AMOT: variants seen among roughly 807,000 people sequenced by gnomAD.
The protein encoded by AMOT is angiomotin.
AMOT carries 11 observed loss-of-function variants against 67.0 expected under a neutral mutation model. The ratio of observed to expected loss-of-function variants is 0.16; its 90% CI spans 0.10 to 0.27. AMOT has a LOEUF of 0.27. AMOT is among the 10% of genes least tolerant of loss of function. The probability of loss-of-function intolerance (pLI) is 1.00; values close to 1 mark genes in which losing one functional copy is unlikely to be tolerated. For synonymous variants in AMOT, 326 were observed against 321.4 expected (o/e 1.01, Z -0.15); for missense variants, 753 against 852.0 (o/e 0.88, Z 1.45).
chrX:112,838,459 A>G (rs747948523), intron 1 of AMOT, among the ~76,000 whole-genome samples: 2 of 111,587 alleles, frequency 1.8e-5, no homozygotes, highest in Non-Finnish European at 3.8e-5. Context: ...CTGGCACTCA[A>G]TGGGACCTCA....
intron 10 of AMOT, among the ~76,000 whole-genome samples, chrX:112,787,644 T>C (rs868807763): frequency 2.7e-5 from 3 of 110,768 alleles, no homozygotes; most frequent in South Asian, 3.8e-4. Flanking sequence ...CAACAGGTGA[T>C]TTTTTAATAT....
In AMOT at chrX:112,778,421, G is replaced by C. The variant is rs2286064; in HGVS notation, c.*146C>G. 46,181 of 481,997 alleles carry C rather than the reference G, an allele frequency of 0.096. 1,711 individuals are homozygous for C. The highest frequency in any genetic ancestry group is 0.11 in the Admixed American group (3,731 of 32,745). 39.7% of individuals were successfully genotyped at this position (481,997 alleles called of 1,213,427 possible). A position where few individuals can be genotyped will look rare whatever the true frequency, so the allele number is the denominator to read the frequency against. On this transcript the variant is annotated 3_prime_UTR_variant, in exon 14 of 14. Coordinates refer to ENST00000371959, the MANE Select transcript of AMOT (RefSeq NM_001113490.2). ...CTGGTGTTCACATGGTATTACTCAA[G>C]TAGTACATTGTTCCAATAAAAAGTC...
At chrX:112,838,943 G>C (rs1016144456) in intron 1 of AMOT, among the ~76,000 whole-genome samples, 1 of 112,280 alleles carries the variant, frequency 8.9e-6, no homozygotes, top group Non-Finnish European at 1.9e-5. Context: ...TGTAAATAGA[G>C]GCAACTACTC....
chrX:112,807,011 T>C (rs1273794556), intron 7 of AMOT, among the ~76,000 whole-genome samples: 1 of 111,891 alleles, frequency 8.9e-6, no homozygotes, highest in Non-Finnish European at 1.9e-5. Context: ...TAACAAGGCC[T>C]GCCCTCAAGA....
At chrX:112,812,389 G>T (rs940536115) in intron 5 of AMOT, among the ~76,000 whole-genome samples, 24 of 111,756 alleles carry the variant, frequency 2.1e-4, no homozygotes, top group African/African-American at 7.8e-4. Context: ...CAGGCATTTG[G>T]ACTTTATCCC....
At chrX:112,809,633 A>AAAAG (rs1934292603) in intron 7 of AMOT, among the ~76,000 whole-genome samples, 2 of 111,537 alleles carry the variant, frequency 1.8e-5, no homozygotes, top group African/African-American at 6.5e-5. Context: ...CAATGACACT[A>AAAAG]GCAGGGATTT....
chrX:112,791,686 G>C (rs910452889), intron 9 of AMOT, 146 bp downstream of exon 9: 26 of 728,851 alleles, frequency 3.6e-5, no homozygotes, highest in Non-Finnish European at 5.2e-5. Context: ...AGGCACTCTG[G>C]AGTAAGATTA....
chrX:112,804,898 T>TTGCCCCCCCCCCCCCCCCCCCC, intron 8 of AMOT, 49 bp downstream of exon 8: 3 of 837,571 alleles, frequency 3.6e-6, no homozygotes, highest in Non-Finnish European at 3.5e-6. Context: ...GTCCCCGATT[T>TTGCCCCCCCCCCCCCCCCCCCC]CCCAGCCCTC....
chrX:112,830,153 C>T (rs984538231), intron 2 of AMOT, among the ~76,000 whole-genome samples: 5 of 111,967 alleles, frequency 4.5e-5, no homozygotes, highest in Admixed American at 1.9e-4. Context: ...AGCACCTCAA[C>T]TTAAGCACTG....
Position 112,780,954 on chromosome X carries a change from G to A in AMOT, c.2405C>T (p.Ser802Leu). 8.3e-7 allele frequency: 1 copy of A among 1,212,117 alleles called. No individual in the cohort carries two copies. Among genetic ancestry groups the A allele is most frequent in the Non-Finnish European group, 1.1e-6 (1 of 895,614 alleles). Residue 802 changes from serine to leucine, a missense_variant, in exon 12 of 14, where the codon TCA (serine) becomes TTA (leucine). Ser to Leu is a moderately radical substitution (Grantham distance 145, BLOSUM62 -2). Coordinates refer to ENST00000371959, the MANE Select transcript of AMOT (RefSeq NM_001113490.2). ...GATGGGGGAGCCAGTCAGGGTGGAT[G>A]AGTGGGAGAGCAAGCCTGATCCAGC... Reference protein sequence around the residue: ...SNAGSGLLSHSSTLTGSPIME... With the variant: ...SNAGSGLLSHLSTLTGSPIME...
At chrX:112,799,620 T>C (rs747028432) in intron 8 of AMOT, among the ~76,000 whole-genome samples, 9 of 112,305 alleles carry the variant, frequency 8.0e-5, no homozygotes, top group Non-Finnish European at 1.3e-4. Context: ...TAAGGGTTCA[T>C]GCTGAAGCAA....
intron 2 of AMOT, among the ~76,000 whole-genome samples, chrX:112,826,822 C>G (rs1025586324): frequency 8.9e-6 from 1 of 111,929 alleles, no homozygotes; most frequent in East Asian, 2.8e-4. Context: ...AGGTCTTACT[C>G]TCTTCTCTCA....
At chrX:112,803,978 C>A (rs1569397800) in intron 8 of AMOT, among the ~76,000 whole-genome samples, 1 of 111,569 alleles carries the variant, frequency 9.0e-6, no homozygotes. Context: ...ACACACCCAT[C>A]CCCTGAAGGG....
chrX:112,788,267 C>T (rs1415514141), intron 10 of AMOT, among the ~76,000 whole-genome samples: 4 of 101,734 alleles, frequency 3.9e-5, no homozygotes, highest in Non-Finnish European at 5.9e-5. Context: ...CCAGCCTGGG[C>T]AACAGAGCGA....
chrX:112,822,859 G>C lies in AMOT; in HGVS notation c.268C>G (p.Leu90Val). The C allele has an allele frequency of 8.6e-7, 1 of 1,167,946 alleles. No individual in the cohort carries two copies. The highest frequency in any genetic ancestry group is 1.1e-6 in the Non-Finnish European group (1 of 873,119). Residue 90 changes from leucine to valine, a missense_variant, in exon 4 of 14, where the codon CTC (leucine) becomes GTC (valine). By Grantham distance (32) the Leu-to-Val change is conservative. This residue lies in a region of AMOT where 118 missense variants were observed against 125.9 expected (regional missense o/e 0.94). Transcript: ENST00000371959. ...PQGQEIQSEN[L>V]IMEKQLSPRM... Reference sequence around the variant, plus strand: ...GGAGACAGCTGCTTCTCCATGATGAGGTTTTCTGACTGGATTTCCTGCCCC... The same window carrying C: ...GGAGACAGCTGCTTCTCCATGATGACGTTTTCTGACTGGATTTCCTGCCCC...
intron 12 of AMOT, 107 bp downstream of exon 12, chrX:112,780,779 T>C (rs759687956): frequency 3.5e-6 from 3 of 861,114 alleles, no homozygotes; most frequent in Admixed American, 6.0e-5. Context: ...CTGGTACACC[T>C]TCCTCTCTAG....
At chrX:112,793,063 G>A (rs920134386) in intron 8 of AMOT, among the ~76,000 whole-genome samples, 1 of 109,263 alleles carries the variant, frequency 9.2e-6, no homozygotes, top group South Asian at 4.0e-4. Flanking sequence ...TAATAAATAA[G>A]CAGATTATGC....
intron 3 of AMOT, among the ~76,000 whole-genome samples, chrX:112,823,719 G>A (rs1017167649): frequency 8.9e-6 from 1 of 112,056 alleles, no homozygotes; most frequent in African/African-American, 3.2e-5. Flanking sequence ...AATGATCCCT[G>A]CCTCGATGCA....
intron 3 of AMOT, among the ~76,000 whole-genome samples, chrX:112,824,606 G>A (rs1039800667): frequency 4.5e-5 from 5 of 110,789 alleles, no homozygotes; most frequent in African/African-American, 1.3e-4. Context: ...CAACTGTTGC[G>A]CTGGGCAGTC....
Sources: gnomAD v4.1 joint callset for allele counts (sites outside exome capture counted in the v4.1 genomes callset) on GRCh38, gnomAD v4.1.1 for gene constraint, gnomAD v4.1.1 regional missense constraint, MANE v1.5 for transcripts, NCBI Gene and HGNC (gene_info 2026-07-23, HGNC 2026-07-21) for gene names.